The following EPM2A variants were observed in gnomAD, a reference collection of about 807,000 sequenced individuals.
The protein encoded by EPM2A is EPM2A glucan phosphatase, laforin.
EPM2A carries 21 observed loss-of-function variants against 26.5 expected under a neutral mutation model. That is an observed-to-expected ratio of 0.79 (90% confidence interval 0.56 to 1.14). The LOEUF (loss-of-function observed/expected upper bound fraction) is 1.14. Among genes scored for constraint, EPM2A ranks in the 50% most tolerant of loss-of-function variants. The probability of loss-of-function intolerance (pLI) is 0.00; values close to 1 mark genes in which losing one functional copy is unlikely to be tolerated. For missense variants in EPM2A, 458 were observed against 440.8 expected (o/e 1.04, Z -0.35); for synonymous variants, 217 against 177.6 (o/e 1.22, Z -1.76).
At chr6:145,699,361 C>G (rs1781789501) in intron 1 of EPM2A, among the ~76,000 whole-genome samples, 1 of 152,160 alleles carries the variant, frequency 6.6e-6, no homozygotes, top group South Asian at 2.1e-4. Context: ...TGTATGATGA[C>G]TGAAAGGCTA....
intron 4 of EPM2A, among the ~76,000 whole-genome samples, chr6:145,486,615 G>A (rs1457302370): frequency 1.3e-5 from 2 of 151,490 alleles, no homozygotes; most frequent in Admixed American, 1.3e-4. Flanking sequence ...CCCCAAACCC[G>A]CTAACCACGG....
chr6:145,670,860 T>C, intron 2 of EPM2A: 1 of 974,812 alleles, frequency 1.0e-6, no homozygotes, highest in Non-Finnish European at 1.2e-6. Flanking sequence ...AAAAAGGTAC[T>C]CTTAGAGAAC....
At chr6:145,498,066 T>C (rs1779843246), downstream of EPM2A, among the ~76,000 whole-genome samples, 1 of 152,222 alleles carries the variant, frequency 6.6e-6, no homozygotes, top group African/African-American at 2.4e-5. Context: ...AGAAATGGTC[T>C]GGCCAAATTT....
rs545674447 is a variant in EPM2A, at chr6:145,582,718, A to T, written c.340+52527T>A. 1.5e-3 allele frequency among the ~76,000 whole-genome samples: 233 copies of T among 152,244 alleles called. 2 individuals carry two copies. The highest frequency in any genetic ancestry group is 5.4e-3 in the African/African-American group (223 of 41,554). ...TAGGCTTCTGTAGTGATACTGGGGAAATTTTGTGGATGACATCTTTTAATA... is the reference window on the plus strand; with the variant it reads ...TAGGCTTCTGTAGTGATACTGGGGATATTTTGTGGATGACATCTTTTAATA... On this transcript the variant is annotated intron_variant, in intron 2 of 3. Coordinates refer to the EPM2A transcript ENST00000450221.
exon 5 of EPM2A, chr6:145,383,668 T>C (rs1388577392): frequency 6.6e-6 from 1 of 152,174 alleles, no homozygotes; most frequent in Non-Finnish European, 1.5e-5. Flanking sequence ...GGATTCCAAT[T>C]CAACATGAGA....
At chr6:145,453,875 A>G (rs75597385) in intron 4 of EPM2A, among the ~76,000 whole-genome samples, 421 of 152,334 alleles carry the variant, frequency 2.8e-3, no homozygotes, top group African/African-American at 9.8e-3. Flanking sequence ...CTCTTAACTT[A>G]AAAGTATTTT....
chr6:145,556,043 T>A (rs757219648), intron 2 of EPM2A, among the ~76,000 whole-genome samples: 62 of 152,292 alleles, frequency 4.1e-4, no homozygotes, highest in Non-Finnish European at 7.1e-4. Context: ...GATTCCATTA[T>A]TTTTTTCTCT....
intron 2 of EPM2A, among the ~76,000 whole-genome samples, chr6:145,600,423 CACT>C (rs1562398358): frequency 6.6e-6 from 1 of 152,278 alleles, no homozygotes; most frequent in South Asian, 2.1e-4. Context: ...CCCCTCACAC[CACT>C]GTTAATCCGC....
At chr6:145,424,496 G>A (rs1778827782) in intron 4 of EPM2A, among the ~76,000 whole-genome samples, 1 of 152,164 alleles carries the variant, frequency 6.6e-6, no homozygotes, top group Non-Finnish European at 1.5e-5. Context: ...GTATTCTACT[G>A]TGTGAAGAAA....
intron 2 of EPM2A, among the ~76,000 whole-genome samples, chr6:145,598,255 T>A (rs1781374425): frequency 6.6e-6 from 1 of 152,216 alleles, no homozygotes; most frequent in Non-Finnish European, 1.5e-5. Flanking sequence ...GACTTTTTTT[T>A]AATAGCCATT....
chr6:145,683,708 TG>T (rs1780719680), intron 2 of EPM2A, among the ~76,000 whole-genome samples: 2 of 152,176 alleles, frequency 1.3e-5, no homozygotes, highest in Admixed American at 6.5e-5. Context: ...AGACCCTGCC[TG>T]TCTTTTCATT....
intron 4 of EPM2A, among the ~76,000 whole-genome samples, chr6:145,444,281 C>A (rs967703575): frequency 6.6e-6 from 1 of 152,084 alleles, no homozygotes; most frequent in Non-Finnish European, 1.5e-5. Flanking sequence ...TCCTTTAATA[C>A]CTAGTTTATT....
chr6:145,493,937 G>A (rs577360998), intron 4 of EPM2A, among the ~76,000 whole-genome samples: 5 of 152,140 alleles, frequency 3.3e-5, no homozygotes. Flanking sequence ...ATATTGTCCT[G>A]AGGTTTTCTT....
chr6:145,489,732 TC>T, intron 4 of EPM2A: 1 of 1,464,640 alleles, frequency 6.8e-7, no homozygotes, highest in Non-Finnish European at 9.6e-7. Context: ...TTCGTGATCT[TC>T]CCTGGCAGCC....
At position 145,668,026 on chromosome 6, in the gene EPM2A, A is replaced by AG. The variant is rs1233544818; in HGVS notation, c.476+18095dup. Reference sequence around the variant, plus strand: ...CTGGGGACTGTGGTGGGGTGGGGGGAGGGGGGAGGGATAGCATTGGGAGAT... The same window carrying AG: ...CTGGGGACTGTGGTGGGGTGGGGGGAGGGGGGGAGGGATAGCATTGGGAGAT... On this transcript the variant is annotated intron_variant, in intron 2 of 3. Coordinates refer to ENST00000367519, the MANE Select transcript of EPM2A (RefSeq NM_005670.4). Among the ~76,000 whole-genome samples the AG allele has an allele frequency of 1.8e-4, 15 of 81,720 alleles. No individual in the cohort carries two copies. In the South Asian group the frequency reaches 6.4e-3, roughly 35 times the overall value. The allele number at this position is 81,720 out of a possible 152,430, so 53.6% of individuals were successfully genotyped here.
chr6:145,421,764 G>A (rs1778786780), intron 4 of EPM2A, among the ~76,000 whole-genome samples: 1 of 151,572 alleles, frequency 6.6e-6, no homozygotes, highest in African/African-American at 2.4e-5. Flanking sequence ...TTATCTATAA[G>A]AGATATATTT....
intron 2 of EPM2A, among the ~76,000 whole-genome samples, chr6:145,613,957 G>T (rs1446587172): frequency 6.6e-6 from 1 of 152,216 alleles, no homozygotes; most frequent in African/African-American, 2.4e-5. Flanking sequence ...GTCCTTTAAA[G>T]ATTTGAAGCC....
chr6:145,448,398 T>TA (rs1217268772), intron 4 of EPM2A, among the ~76,000 whole-genome samples: 1 of 152,046 alleles, frequency 6.6e-6, no homozygotes, highest in African/African-American at 2.4e-5. Flanking sequence ...ACCATTGCTT[T>TA]AAAGGGCAGG....
chr6:145,596,577 C>T lies in EPM2A; in HGVS notation c.340+38668G>A, dbSNP rs9497360. On this transcript the variant is annotated intron_variant, in intron 2 of 3. Coordinates refer to the EPM2A transcript ENST00000450221. ...TTTAATTCCCCTTCTTTTGGTTCTT[C>T]CTGGAGTCATATATTTCTTTTTTAG... Among the ~76,000 whole-genome samples, 858 of 152,156 alleles carry T rather than the reference C, an allele frequency of 5.6e-3. 4 individuals are homozygous for T. The highest frequency in any genetic ancestry group is 0.018 in the African/African-American group (764 of 41,504).
Sources: gnomAD v4.1 joint callset for allele counts (sites outside exome capture counted in the v4.1 genomes callset) on GRCh38, gnomAD v4.1.1 for gene constraint, MANE v1.5 for transcripts, NCBI Gene and HGNC (gene_info 2026-07-23, HGNC 2026-07-21) for gene names.